GPC5: variants seen among roughly 807,000 people sequenced by gnomAD.
GPC5 encodes glypican 5.
In GPC5, 47 loss-of-function variants were observed where a neutral mutation model predicts 53.9. The observed-to-expected ratio is 0.87, with a 90% CI of 0.69 to 1.11. The LOEUF (loss-of-function observed/expected upper bound fraction) is 1.11, where lower values mean the gene tolerates loss of function less well. GPC5 is among the 50% of genes most tolerant of loss of function. GPC5 has a pLI of 0.00. For missense variants in GPC5, 748 were observed against 713.1 expected (o/e 1.05, Z -0.56); for synonymous variants, 286 against 263.3 (o/e 1.09, Z -0.84).
chr13:92,612,802 CAAAT>C (rs537034927), intron 7 of GPC5, among the ~76,000 whole-genome samples: 110 of 152,178 alleles, frequency 7.2e-4, no homozygotes, highest in Admixed American at 1.7e-3. Context: ...AAATGATACT[CAAAT>C]AAGATATTTG....
At chr13:92,082,686 T>C (rs1468262222) in intron 6 of GPC5, among the ~76,000 whole-genome samples, 2 of 152,198 alleles carry the variant, frequency 1.3e-5, no homozygotes, top group Non-Finnish European at 2.9e-5. Flanking sequence ...AAATAAGAGT[T>C]TAAATTTTTC....
chr13:91,563,745 T>G (rs537143402), intron 2 of GPC5, among the ~76,000 whole-genome samples: 3 of 152,258 alleles, frequency 2.0e-5, no homozygotes, highest in Admixed American at 2.0e-4. Flanking sequence ...CGAAGTTCTT[T>G]GCCTCCCTTC....
intron 7 of GPC5, among the ~76,000 whole-genome samples, chr13:92,244,937 C>T (rs1594032390): frequency 6.6e-6 from 1 of 151,040 alleles, no homozygotes; most frequent in East Asian, 2.0e-4. Flanking sequence ...ACTTGGGAGG[C>T]TGAGGCAGGA....
At chr13:91,915,116 T>C (rs1566339384) in intron 6 of GPC5, among the ~76,000 whole-genome samples, 1 of 152,198 alleles carries the variant, frequency 6.6e-6, no homozygotes, top group Non-Finnish European at 1.5e-5. Flanking sequence ...AGGCTTATGA[T>C]ACTAATATTC....
chr13:91,870,943 G>A (rs76100984), intron 5 of GPC5, among the ~76,000 whole-genome samples: 1,967 of 152,284 alleles, frequency 0.013, 21 homozygotes, highest in Middle Eastern at 0.031. Flanking sequence ...TGGAATATTT[G>A]CACATAGGTA....
intron 7 of GPC5, among the ~76,000 whole-genome samples, chr13:92,265,183 C>G (rs1307365864): frequency 6.6e-6 from 1 of 152,022 alleles, no homozygotes; most frequent in African/African-American, 2.4e-5. Flanking sequence ...TTAGTATTCT[C>G]TCAAACAGTT....
chr13:92,551,079 G>T (rs1027836352), intron 7 of GPC5, among the ~76,000 whole-genome samples: 4 of 151,832 alleles, frequency 2.6e-5, no homozygotes, highest in East Asian at 1.9e-4. Context: ...TGTGATAATT[G>T]TGAGTATTAG....
chr13:92,668,651 A>T (rs1375368191), intron 7 of GPC5, among the ~76,000 whole-genome samples: 8 of 152,116 alleles, frequency 5.3e-5, no homozygotes, highest in Non-Finnish European at 8.8e-5. Context: ...ACTTAGCTCT[A>T]TAATCTTTTA....
At chr13:92,517,323 G>T (rs1291013988) in intron 7 of GPC5, among the ~76,000 whole-genome samples, 1 of 152,198 alleles carries the variant, frequency 6.6e-6, no homozygotes, top group Non-Finnish European at 1.5e-5. Context: ...CTGTCTGACA[G>T]CTTTGAAGAG....
intron 2 of GPC5, among the ~76,000 whole-genome samples, chr13:91,674,747 G>A (rs1265845799): frequency 6.7e-6 from 1 of 149,856 alleles, no homozygotes; most frequent in Non-Finnish European, 1.5e-5. Context: ...CTGAACATTT[G>A]GAGGTAGTTG....
intron 6 of GPC5, among the ~76,000 whole-genome samples, chr13:91,915,348 T>TA (rs1203566261): frequency 6.6e-6 from 1 of 152,142 alleles, no homozygotes; most frequent in African/African-American, 2.4e-5. Context: ...ACATTTCATT[T>TA]AAAAAAATCA....
chr13:92,709,080 T>G (rs1029889775), intron 7 of GPC5, among the ~76,000 whole-genome samples: 4 of 150,696 alleles, frequency 2.7e-5, no homozygotes, highest in Non-Finnish European at 5.9e-5. Context: ...AGTGTTTCGC[T>G]CTTGTTGCCC....
chr13:91,972,530 G>A (rs1029340012), intron 6 of GPC5, among the ~76,000 whole-genome samples: 1 of 152,144 alleles, frequency 6.6e-6, no homozygotes, highest in South Asian at 2.1e-4. Context: ...TGGTCATTTT[G>A]CTTGTTAGTT....
intron 7 of GPC5, among the ~76,000 whole-genome samples, chr13:92,322,467 A>G (rs2043222621): frequency 6.6e-6 from 1 of 152,188 alleles, no homozygotes; most frequent in Non-Finnish European, 1.5e-5. Context: ...AAACCTGAAG[A>G]AATTACTGGA....
intron 5 of GPC5, among the ~76,000 whole-genome samples, chr13:91,813,094 A>G (rs2038339002): frequency 6.6e-6 from 1 of 152,210 alleles, no homozygotes; most frequent in Admixed American, 6.5e-5. Flanking sequence ...GCTGGAAACA[A>G]TTCTTATACT....
intron 2 of GPC5, among the ~76,000 whole-genome samples, chr13:91,663,425 T>C (rs1003963364): frequency 6.6e-6 from 1 of 152,162 alleles, no homozygotes; most frequent in Non-Finnish European, 1.5e-5. Flanking sequence ...TTTTAGCCTC[T>C]TTTTTCCCCC....
In GPC5 at chr13:92,343,604, A is replaced by C. The variant is rs887493501; in HGVS notation, c.1561+198615A>C. ...CATAATAATATAATTATCTTGATTT[A>C]TAATAATGCCTTATATTTTTAAAGT... On this transcript the variant is annotated intron_variant, in intron 7 of 7. Coordinates refer to ENST00000377067, the MANE Select transcript of GPC5 (RefSeq NM_004466.6). Among the ~76,000 whole-genome samples, 4 of 152,134 alleles carry C rather than the reference A, an allele frequency of 2.6e-5. No homozygotes were observed. The South Asian group carries it at 8.3e-4, about 31-fold the overall frequency.
intron 6 of GPC5, among the ~76,000 whole-genome samples, chr13:91,968,515 G>A (rs1422318095): frequency 6.6e-6 from 1 of 151,944 alleles, no homozygotes; most frequent in Non-Finnish European, 1.5e-5. Flanking sequence ...AGGCTGGAGA[G>A]CAATGGCGCA....
At chr13:92,473,259 A>G (rs191384011) in intron 7 of GPC5, among the ~76,000 whole-genome samples, 2 of 152,230 alleles carry the variant, frequency 1.3e-5, no homozygotes, top group Admixed American at 1.3e-4. Context: ...CAACTAACCA[A>G]TAGCCAATAA....
Sources: allele counts gnomAD v4.1 joint callset (sites outside exome capture counted in the v4.1 genomes callset), GRCh38; gene constraint gnomAD v4.1.1; transcripts MANE v1.5; gene names NCBI Gene and HGNC (gene_info 2026-07-23, HGNC 2026-07-21).